Variants in USP46 observed in about 807,000 individuals in gnomAD.
The protein encoded by USP46 is ubiquitin carboxyl-terminal hydrolase 46.
Under a neutral mutation model 44.4 loss-of-function variants are expected in USP46, and 12 were observed. The ratio of observed to expected loss-of-function variants is 0.27; its 90% CI spans 0.17 to 0.44. The LOEUF (loss-of-function observed/expected upper bound fraction) is 0.44, where lower values mean the gene tolerates loss of function less well. Among genes scored for constraint, USP46 ranks in the 20% least tolerant of loss-of-function variants. The pLI is 1.00. For missense variants in USP46, 248 were observed against 444.8 expected, an observed-to-expected ratio of 0.56 and a Z score of 3.98; for synonymous variants, 155 against 161.5, an observed-to-expected ratio of 0.96 and a Z score of 0.31.
chr4:52,647,354 A>G (rs1718584227), intron 1 of USP46, among the ~76,000 whole-genome samples: 1 of 152,256 alleles, frequency 6.6e-6, no homozygotes, highest in South Asian at 2.1e-4. Flanking sequence ...GCCAGAGATA[A>G]GAATTGGACA....
At position 52,591,156 on chromosome 4, in the gene USP46, T is replaced by A. The variant is rs2109580463; in HGVS notation, c.*6484A>T. ...TGCTGCAGGAGGTGTGAAGGCTCAT[T>A]CTTAAAGTTTTCTCACGTTTATTTT... is the stretch of plus-strand genomic sequence containing the variant. On this transcript the variant is annotated 3_prime_UTR_variant, in exon 9 of 9. Coordinates refer to ENST00000441222, the MANE Select transcript of USP46 (RefSeq NM_022832.4). 6.6e-6 allele frequency: 1 copy of A among 152,300 alleles called. No individual in the cohort carries two copies. Among genetic ancestry groups the A allele is most frequent in the South Asian group, 2.1e-4 (1 of 4,820 alleles). 9.4% of individuals were successfully genotyped at this position (152,300 alleles called of 1,614,324 possible).
At chr4:52,637,694 C>T (rs1055277869) in intron 1 of USP46, among the ~76,000 whole-genome samples, 1 of 152,168 alleles carries the variant, frequency 6.6e-6, no homozygotes, top group Admixed American at 6.5e-5. Context: ...CAACCACATC[C>T]TGAATGGCTT....
chr4:52,655,942 A>C (rs1718930811), intron 1 of USP46, among the ~76,000 whole-genome samples: 1 of 152,232 alleles, frequency 6.6e-6, no homozygotes, highest in African/African-American at 2.4e-5. Context: ...TGGCACAAGA[A>C]GTATGGGGAA....
intron 7 of USP46, among the ~76,000 whole-genome samples, chr4:52,599,389 A>C (rs1372558471): frequency 6.6e-6 from 1 of 152,028 alleles, no homozygotes; most frequent in East Asian, 1.9e-4. Flanking sequence ...AAGAGCAGAG[A>C]GGCCAAAGGA....
chr4:52,632,198 A>C (rs1240894646), intron 1 of USP46, among the ~76,000 whole-genome samples: 1 of 152,202 alleles, frequency 6.6e-6, no homozygotes. Context: ...CCTAAGAGGC[A>C]GACTTGAGAG....
chr4:52,615,907 T>C (rs890138624), intron 4 of USP46, among the ~76,000 whole-genome samples: 2 of 152,054 alleles, frequency 1.3e-5, no homozygotes, highest in South Asian at 2.1e-4. Context: ...AAAAAATTCA[T>C]AAAACAAAAA....
At chr4:52,650,440 C>A (rs1024997841) in intron 1 of USP46, among the ~76,000 whole-genome samples, 1 of 152,126 alleles carries the variant, frequency 6.6e-6, no homozygotes, top group Admixed American at 6.5e-5. Context: ...TGGTAAACAC[C>A]ATATCAACTT....
intron 4 of USP46, among the ~76,000 whole-genome samples, chr4:52,611,253 C>T (rs781527979): frequency 3.9e-5 from 6 of 152,216 alleles, no homozygotes; most frequent in South Asian, 2.1e-4. Context: ...CACACAGGCC[C>T]GCCATACCGT....
chr4:52,658,847 C>A (rs1719059828), intron 1 of USP46, among the ~76,000 whole-genome samples: 1 of 152,012 alleles, frequency 6.6e-6, no homozygotes, highest in Admixed American at 6.5e-5. Context: ...CACCGCAACC[C>A]GAGGGCGGGG....
At chr4:52,658,705 G>C (rs904942892) in intron 1 of USP46, among the ~76,000 whole-genome samples, 3 of 152,218 alleles carry the variant, frequency 2.0e-5, no homozygotes, top group African/African-American at 4.8e-5. Flanking sequence ...AATGAGATGA[G>C]GGCAGTCTGG....
rs1247196382 is a variant in USP46 at position 52,595,269 on chromosome 4, T to C, written c.*2371A>G. 6.6e-6 allele frequency: 1 copy of C among 152,662 alleles called. No individual in the cohort carries two copies. Among genetic ancestry groups the C allele is most frequent in the African/African-American group, 2.4e-5 (1 of 41,448 alleles). The allele number at this position is 152,662 out of a possible 1,614,324, so 9.5% of individuals were successfully genotyped here. A position where few individuals can be genotyped will look rare whatever the true frequency, so the allele number is the denominator to read the frequency against. On this transcript the variant is annotated 3_prime_UTR_variant, in exon 9 of 9. Coordinates refer to ENST00000441222, the MANE Select transcript of USP46 (RefSeq NM_022832.4). ...AACTAAAAGTGTTTGCATGTTACTG[T>C]CTTTACATAAAGAGACATGATTGGG...
At chr4:52,657,654 C>G (rs907490540) in intron 1 of USP46, among the ~76,000 whole-genome samples, 7 of 152,158 alleles carry the variant, frequency 4.6e-5, no homozygotes, top group Non-Finnish European at 1.0e-4. Flanking sequence ...AGCAGCCCCT[C>G]CACAGGAATA....
intron 1 of USP46, among the ~76,000 whole-genome samples, chr4:52,652,842 G>T (rs980333678): frequency 6.6e-6 from 1 of 152,102 alleles, no homozygotes; most frequent in Non-Finnish European, 1.5e-5. Flanking sequence ...TCTTCACTGG[G>T]TGGGGAGTAC....
intron 3 of USP46, 111 bp downstream of exon 3, chr4:52,627,839 T>C (rs1423585487): frequency 1.1e-5 from 13 of 1,206,496 alleles, no homozygotes; most frequent in East Asian, 1.0e-4. Context: ...TAGTTAACCA[T>C]GCTTATTTTC....
rs1716341412 is a variant in USP46 at position 52,598,722 on chromosome 4, T to C, written c.921-16A>G. On this transcript the variant is annotated splice_polypyrimidine_tract_variant and intron_variant, in intron 7 of 8. Transcript: ENST00000441222. ...ATTAGGACCACTGGAAAAGAACAAA[T>C]AAAAGGCAGTTAGCAAGTTAACATT... 1.2e-5 allele frequency: 19 copies of C among 1,593,440 alleles called. No homozygotes were observed. The highest frequency in any genetic ancestry group is 1.5e-5 in the Non-Finnish European group (18 of 1,168,922).
At position 52,593,727 on chromosome 4, in the gene USP46, C is replaced by T. The variant is rs2109583928; in HGVS notation, c.*3913G>A. 1 of 152,358 alleles carries T rather than the reference C, an allele frequency of 6.6e-6. No individual in the cohort carries two copies. The highest frequency in any genetic ancestry group is 1.9e-4 in the East Asian group (1 of 5,178). The allele number at this position is 152,358 out of a possible 1,614,324, so 9.4% of individuals were successfully genotyped here. ...CAGGGCACCAGGGACCAATCACAGT[C>T]CTACTCCTTCCTAGAAACCAGATAC... is the stretch of plus-strand genomic sequence containing the variant. On this transcript the variant is annotated 3_prime_UTR_variant, in exon 9 of 9. Transcript: ENST00000441222.
At chr4:52,629,631 C>T in intron 2 of USP46, 1 of 456,288 alleles carries the variant, frequency 2.2e-6, no homozygotes, top group Non-Finnish European at 4.4e-6. Flanking sequence ...CTCAGTATCT[C>T]ACCTTTCCCC....
rs768954737 is a variant in USP46, at chr4:52,604,478, C to T, written c.722+23G>A. On this transcript the variant is annotated intron_variant, in intron 6 of 8. Coordinates refer to ENST00000441222, the MANE Select transcript of USP46 (RefSeq NM_022832.4). The stretch of plus-strand genomic sequence containing the variant: ...GATCCTTCTCACCACACAAAGATAA[C>T]CCTGAGCTAAATCTTTACCTACCTT... 10 of 1,597,004 alleles carry T rather than the reference C, an allele frequency of 6.3e-6. No homozygotes were observed. The Admixed American group carries it at 1.5e-4, about 24-fold the overall frequency.
At chr4:52,625,108 T>C (rs1313182079) in intron 4 of USP46, among the ~76,000 whole-genome samples, 1 of 152,190 alleles carries the variant, frequency 6.6e-6, no homozygotes, top group East Asian at 1.9e-4. Flanking sequence ...AGATCCTTAA[T>C]GAACCCATAG....
Sources: gnomAD v4.1 joint callset for allele counts (sites outside exome capture counted in the v4.1 genomes callset) on GRCh38, gnomAD v4.1.1 for gene constraint, MANE v1.5 for transcripts, NCBI Gene and HGNC (gene_info 2026-07-23, HGNC 2026-07-21) for gene names.